The following PLEKHA2 variants were observed in gnomAD, a reference collection of about 807,000 sequenced individuals.
PLEKHA2 encodes pleckstrin homology domain containing A2.
In PLEKHA2, 28 loss-of-function variants were observed where a neutral mutation model predicts 53.2. The ratio of observed to expected loss-of-function variants is 0.53; its 90% CI spans 0.39 to 0.72. The LOEUF (loss-of-function observed/expected upper bound fraction) is 0.72, where lower values mean the gene tolerates loss of function less well. Among genes scored for constraint, PLEKHA2 ranks in the 30% least tolerant of loss-of-function variants. The probability of loss-of-function intolerance (pLI) is 0.00; values close to 1 mark genes in which losing one functional copy is unlikely to be tolerated. For synonymous variants in PLEKHA2, 193 were observed against 196.4 expected (o/e 0.98, Z 0.14); for missense variants, 426 against 537.9 (o/e 0.79, Z 2.06).
chr8:38,911,304 T>G (rs1488449051), intron 1 of PLEKHA2, among the ~76,000 whole-genome samples: 2 of 152,050 alleles, frequency 1.3e-5, no homozygotes, highest in East Asian at 3.9e-4. Context: ...TGGCATGATC[T>G]CGGCTCACTG....
At chr8:38,932,245 C>A (rs894395609) in intron 2 of PLEKHA2, among the ~76,000 whole-genome samples, 18 of 152,214 alleles carry the variant, frequency 1.2e-4, no homozygotes, top group Non-Finnish European at 5.9e-5. Context: ...ATCCTCCCAC[C>A]TCAGCCTCCC....
intron 2 of PLEKHA2, among the ~76,000 whole-genome samples, chr8:38,930,886 G>T (rs532774899): frequency 5.3e-5 from 8 of 152,204 alleles, no homozygotes; most frequent in Non-Finnish European, 8.8e-5. Flanking sequence ...GAAGCACATG[G>T]AATCCCTTGG....
intron 2 of PLEKHA2, among the ~76,000 whole-genome samples, chr8:38,921,174 G>A (rs562776151): frequency 2.6e-5 from 4 of 152,318 alleles, no homozygotes; most frequent in South Asian, 4.1e-4. Flanking sequence ...CTTGGCTTTG[G>A]GCACACCAGA....
At chr8:38,946,646 C>T (rs986398260) in intron 5 of PLEKHA2, among the ~76,000 whole-genome samples, 53 of 152,210 alleles carry the variant, frequency 3.5e-4, no homozygotes, top group African/African-American at 1.3e-3. Flanking sequence ...CCTGCAGGGT[C>T]AGTCCAAGCC....
chr8:38,961,917 AT>A (rs1564156156), intron 10 of PLEKHA2, among the ~76,000 whole-genome samples: 1 of 152,204 alleles, frequency 6.6e-6, no homozygotes, highest in East Asian at 1.9e-4. Context: ...AAAAGCTACC[AT>A]TTTTTGGACA....
Position 38,935,981 on chromosome 8 carries a change from A to G in PLEKHA2, c.142-13A>G, listed in dbSNP as rs776680571. 72 of 1,612,678 alleles carry G rather than the reference A, an allele frequency of 4.5e-5. No individual in the cohort carries two copies. The highest frequency in any genetic ancestry group is 1.5e-4 in the Admixed American group (9 of 59,968). ...CCACAGCCTTCTTAAAATGAAAACT[A>G]TGTGTCTTTCAGAATCTGGCAATGG... On this transcript the variant is annotated splice_polypyrimidine_tract_variant and intron_variant, in intron 2 of 11. Coordinates refer to ENST00000617275, the MANE Select transcript of PLEKHA2 (RefSeq NM_021623.2).
At chr8:38,948,694 T>G (rs1404112862) in intron 5 of PLEKHA2, among the ~76,000 whole-genome samples, 1 of 152,172 alleles carries the variant, frequency 6.6e-6, no homozygotes, top group African/African-American at 2.4e-5. Flanking sequence ...GCTCGGATCC[T>G]TAGGTCTTTC....
At chr8:38,957,064 G>A (rs545289294) in intron 9 of PLEKHA2, among the ~76,000 whole-genome samples, 1 of 152,176 alleles carries the variant, frequency 6.6e-6, no homozygotes, top group African/African-American at 2.4e-5. Context: ...AGGGAAAGGA[G>A]CTTGTTAGAA....
chr8:38,907,050 T>C (rs1833887608), intron 1 of PLEKHA2, among the ~76,000 whole-genome samples: 2 of 152,226 alleles, frequency 1.3e-5, no homozygotes, highest in Admixed American at 1.3e-4. Flanking sequence ...CAGTCACTAC[T>C]GAAGCTGCTG....
Position 38,917,907 on chromosome 8 carries a change from G to A in PLEKHA2, c.-23G>A, listed in dbSNP as rs1265281772. 9 of 1,612,604 alleles carry A rather than the reference G, an allele frequency of 5.6e-6. No individual in the cohort carries two copies. The highest frequency in any genetic ancestry group is 6.8e-6 in the Non-Finnish European group (8 of 1,178,950). ...ATCAGCACCTCCCTCCTGCGCGCAGGGTGATGTGAGCAGAGCCCAGGAATG... is the reference window on the plus strand; with the variant it reads ...ATCAGCACCTCCCTCCTGCGCGCAGAGTGATGTGAGCAGAGCCCAGGAATG... On this transcript the variant is annotated splice_region_variant and 5_prime_UTR_variant, in exon 2 of 12. Coordinates refer to ENST00000617275, the MANE Select transcript of PLEKHA2 (RefSeq NM_021623.2).
At chr8:38,924,573 G>A (rs11781081) in intron 2 of PLEKHA2, among the ~76,000 whole-genome samples, 19,746 of 152,164 alleles carry the variant, frequency 0.13, 1,417 homozygotes, top group East Asian at 0.22. Flanking sequence ...CTGGGCTTTC[G>A]TGTGCCTGCA....
intron 11 of PLEKHA2, 100 bp downstream of exon 11, chr8:38,968,769 G>A (rs1588283133): frequency 5.7e-6 from 7 of 1,236,998 alleles, no homozygotes; most frequent in East Asian, 2.4e-5. Context: ...GCCTGGTCCC[G>A]AGGTGCAGCT....
chr8:38,944,386 G>A (rs1834668738), intron 4 of PLEKHA2, among the ~76,000 whole-genome samples: 1 of 151,940 alleles, frequency 6.6e-6, no homozygotes, highest in Non-Finnish European at 1.5e-5. Context: ...GCGTGGTGGT[G>A]AGTACCTGTA....
chr8:38,946,025 C>A, intron 4 of PLEKHA2, 99 bp from the exon 5 acceptor site: 2 of 896,322 alleles, frequency 2.2e-6, no homozygotes, highest in South Asian at 1.5e-5. Context: ...GGAGTTCACT[C>A]ATCTCACTCC....
intron 1 of PLEKHA2, among the ~76,000 whole-genome samples, chr8:38,902,226 G>C (rs1045320096): frequency 7.3e-6 from 1 of 137,518 alleles, no homozygotes; most frequent in Non-Finnish European, 1.6e-5. Flanking sequence ...GGTGTGGGGG[G>C]GGGTGGTGGG....
intron 2 of PLEKHA2, among the ~76,000 whole-genome samples, chr8:38,935,394 C>T (rs1286302490): frequency 6.6e-6 from 1 of 151,156 alleles, no homozygotes; most frequent in Non-Finnish European, 1.5e-5. Flanking sequence ...AACTAAGGAT[C>T]GGTGGTTAAG....
intron 2 of PLEKHA2, among the ~76,000 whole-genome samples, chr8:38,931,800 A>G (rs966092564): frequency 1.3e-5 from 2 of 152,114 alleles, no homozygotes; most frequent in Non-Finnish European, 2.9e-5. Flanking sequence ...CTCTCAGAAA[A>G]ACATACTCCG....
Position 38,964,914 on chromosome 8 carries a change from T to C in PLEKHA2, c.838-3678T>C, listed in dbSNP as rs548845910. On this transcript the variant is annotated intron_variant, in intron 10 of 11. Transcript: ENST00000617275. ...GTTAGGGAGAAGAGGTCTTGCTCTG[T>C]TGCCCATGCTGGTCTCGAACTCCTG... is the stretch of plus-strand genomic sequence containing the variant. 3.2e-4 allele frequency among the ~76,000 whole-genome samples: 47 copies of C among 146,498 alleles called. No individual in the cohort carries two copies. The South Asian group carries it at 9.7e-3, about 30-fold the overall frequency.
chr8:38,958,981 T>A (rs4733958), intron 10 of PLEKHA2, among the ~76,000 whole-genome samples: 1 of 151,888 alleles, frequency 6.6e-6, no homozygotes. Context: ...TGATGGTGGG[T>A]GTGTGATGAA....
Sources: gnomAD v4.1 joint callset for allele counts (sites outside exome capture counted in the v4.1 genomes callset) on GRCh38, gnomAD v4.1.1 for gene constraint, MANE v1.5 for transcripts, NCBI Gene and HGNC (gene_info 2026-07-23, HGNC 2026-07-21) for gene names.